STAU2: variants seen among roughly 807,000 people sequenced by gnomAD.
STAU2 encodes double-stranded RNA-binding protein Staufen homolog 2.
Under a neutral mutation model 65.9 loss-of-function variants are expected in STAU2, and 20 were observed. The ratio of observed to expected loss-of-function variants is 0.30; its 90% CI spans 0.21 to 0.44. The LOEUF (loss-of-function observed/expected upper bound fraction) is 0.44, where lower values mean the gene tolerates loss of function less well. Among genes scored for constraint, STAU2 ranks in the 20% least tolerant of loss-of-function variants. The pLI, the probability that STAU2 is intolerant of heterozygous loss-of-function variation, is 1.00. For missense variants in STAU2, 558 were observed against 683.9 expected, an observed-to-expected ratio of 0.82 and a Z score of 2.05; for synonymous variants, 232 against 233.9, an observed-to-expected ratio of 0.99 and a Z score of 0.07.
At chr8:73,438,382 C>T (rs1165789549) in intron 13 of STAU2, among the ~76,000 whole-genome samples, 1 of 152,188 alleles carries the variant, frequency 6.6e-6, no homozygotes. Context: ...ACAGCAATGA[C>T]ACCAAGAGGT....
chr8:73,502,840 A>C (rs2128920762), intron 13 of STAU2, among the ~76,000 whole-genome samples: 1 of 152,206 alleles, frequency 6.6e-6, no homozygotes, highest in Admixed American at 6.6e-5. Context: ...CACATTTTAA[A>C]ATCCACATGG....
chr8:73,448,574 C>T (rs1818608784), intron 13 of STAU2, among the ~76,000 whole-genome samples: 1 of 152,204 alleles, frequency 6.6e-6, no homozygotes, highest in Admixed American at 6.5e-5. Context: ...TTAGCCACCA[C>T]GCCCGGCTAG....
chr8:73,694,866 A>T (rs1819596385), intron 4 of STAU2, among the ~76,000 whole-genome samples: 1 of 152,190 alleles, frequency 6.6e-6, no homozygotes, highest in Non-Finnish European at 1.5e-5. Context: ...AGACAATGAA[A>T]ATGTGCTGGA....
At chr8:73,719,640 C>G (rs1337631954) in intron 3 of STAU2, among the ~76,000 whole-genome samples, 5 of 152,184 alleles carry the variant, frequency 3.3e-5, no homozygotes, top group Admixed American at 3.3e-4. Flanking sequence ...GAACACTAAA[C>G]CAACCCCACA....
At chr8:73,628,986 ATTG>A (rs1441780170) in intron 6 of STAU2, among the ~76,000 whole-genome samples, 5 of 152,236 alleles carry the variant, frequency 3.3e-5, no homozygotes, top group Non-Finnish European at 5.9e-5. Context: ...CATCAGCGGT[ATTG>A]CAGAAAGATT....
intron 9 of STAU2, among the ~76,000 whole-genome samples, chr8:73,608,091 CT>C (rs1189038839): frequency 6.6e-6 from 1 of 152,122 alleles, no homozygotes; most frequent in African/African-American, 2.4e-5. Flanking sequence ...GGATTTTGGA[CT>C]TTATCCAAAG....
chr8:73,608,874 C>T (rs1812230970), intron 9 of STAU2, among the ~76,000 whole-genome samples: 1 of 150,976 alleles, frequency 6.6e-6, no homozygotes, highest in African/African-American at 2.4e-5. Context: ...CCTGTAATCC[C>T]AGCTGAGGCA....
In STAU2 at chr8:73,651,168, G is replaced by A. The variant is rs531845431; in HGVS notation, c.410+21939C>T. 263 of 1,149,380 alleles carry A rather than the reference G, an allele frequency of 2.3e-4. No homozygotes were observed. The African/African-American group carries it at 3.3e-3, about 14-fold the overall frequency. 71.2% of individuals were successfully genotyped at this position (1,149,380 alleles called of 1,614,324 possible). A position where few individuals can be genotyped will look rare whatever the true frequency, so the allele number is the denominator to read the frequency against. ...GCCTCCCTGGCCCGGACCAGGCATCGGGCCCCGAGGAGCCCCCTCAGGCCG... is the reference window on the plus strand; with the variant it reads ...GCCTCCCTGGCCCGGACCAGGCATCAGGCCCCGAGGAGCCCCCTCAGGCCG... On this transcript the variant is annotated intron_variant, in intron 6 of 14. Transcript: ENST00000524300.
chr8:73,642,883 T>C (rs1815096247), intron 6 of STAU2, among the ~76,000 whole-genome samples: 1 of 152,134 alleles, frequency 6.6e-6, no homozygotes, highest in Non-Finnish European at 1.5e-5. Context: ...CTGCAGCCAG[T>C]GTGGCTGGAG....
intron 13 of STAU2, among the ~76,000 whole-genome samples, chr8:73,517,886 G>A (rs533304243): frequency 6.6e-6 from 1 of 152,090 alleles, no homozygotes; most frequent in African/African-American, 2.4e-5. Context: ...GCTGTTCTAA[G>A]CATATATGAA....
intron 13 of STAU2, among the ~76,000 whole-genome samples, chr8:73,474,450 T>A (rs1272611221): frequency 2.0e-5 from 3 of 152,228 alleles, no homozygotes; most frequent in African/African-American, 7.2e-5. Context: ...TGAAACTTTA[T>A]CTTACCTAAA....
intron 13 of STAU2, among the ~76,000 whole-genome samples, chr8:73,499,367 C>T (rs994561943): frequency 2.0e-5 from 3 of 151,686 alleles, no homozygotes; most frequent in African/African-American, 7.3e-5. Context: ...TGGATAGGAC[C>T]CAAATGGACC....
intron 6 of STAU2, among the ~76,000 whole-genome samples, chr8:73,619,414 ATGTT>A (rs1243154371): frequency 6.6e-6 from 1 of 152,236 alleles, no homozygotes; most frequent in Non-Finnish European, 1.5e-5. Context: ...GTCCTAAAAA[ATGTT>A]TGTTTCCAAG....
At chr8:73,562,929 A>G (rs1014288532) in intron 12 of STAU2, among the ~76,000 whole-genome samples, 2 of 152,066 alleles carry the variant, frequency 1.3e-5, no homozygotes, top group African/African-American at 4.8e-5. Context: ...TGGGCAACAC[A>G]GCAAAACCTC....
At chr8:73,566,454 A>G (rs1240783158) in intron 12 of STAU2, among the ~76,000 whole-genome samples, 2 of 152,224 alleles carry the variant, frequency 1.3e-5, no homozygotes, top group African/African-American at 2.4e-5. Flanking sequence ...CCATGTAATA[A>G]AACATCTTAA....
intron 6 of STAU2, among the ~76,000 whole-genome samples, chr8:73,646,374 G>A (rs531235816): frequency 1.3e-5 from 2 of 152,334 alleles, no homozygotes; most frequent in East Asian, 1.9e-4. Flanking sequence ...GGAGTTGGCA[G>A]AGACACAGAG....
chr8:73,492,068 G>A (rs1821179674), intron 13 of STAU2, among the ~76,000 whole-genome samples: 1 of 151,736 alleles, frequency 6.6e-6, no homozygotes, highest in Non-Finnish European at 1.5e-5. Context: ...AAGAAGTAGA[G>A]GTGGGGGCTG....
chr8:73,687,395 A>AAT (rs1818991845), intron 5 of STAU2, among the ~76,000 whole-genome samples: 1 of 109,762 alleles, frequency 9.1e-6, no homozygotes, highest in South Asian at 2.8e-4. Flanking sequence ...TATAAAAATA[A>AAT]TATATTTATA....
At chr8:73,645,428 G>A (rs915540923) in intron 6 of STAU2, among the ~76,000 whole-genome samples, 6 of 152,122 alleles carry the variant, frequency 3.9e-5, no homozygotes, top group Admixed American at 1.3e-4. Context: ...AAACTAGGAA[G>A]AAGAACATGT....
Sources: gnomAD v4.1 joint callset for allele counts (sites outside exome capture counted in the v4.1 genomes callset) on GRCh38, gnomAD v4.1.1 for gene constraint, MANE v1.5 for transcripts, NCBI Gene and HGNC (gene_info 2026-07-23, HGNC 2026-07-21) for gene names.